Variants in KATNBL1 observed in about 807,000 individuals in gnomAD.
KATNBL1 encodes the protein KATNB1-like protein 1.
KATNBL1 carries 28 observed loss-of-function variants against 44.7 expected under a neutral mutation model. The observed-to-expected ratio is 0.63, with a 90% CI of 0.46 to 0.86. The LOEUF is 0.86. Among genes scored for constraint, KATNBL1 ranks in the 40% least tolerant of loss-of-function variants. The pLI, the probability that KATNBL1 is intolerant of heterozygous loss-of-function variation, is 0.00. For synonymous variants in KATNBL1, 78 were observed against 114.9 expected (o/e 0.68, Z 2.06); for missense variants, 272 against 350.7 (o/e 0.78, Z 1.79).
intron 1 of KATNBL1, among the ~76,000 whole-genome samples, chr15:34,165,723 G>A (rs963505410): frequency 1.3e-5 from 2 of 152,138 alleles, no homozygotes; most frequent in African/African-American, 2.4e-5. Flanking sequence ...GAACCCGGGA[G>A]GCTGAGGTTG....
chr15:34,181,815 C>CCATATATATCCATATATATACATATATAT (rs1567532354), intron 1 of KATNBL1, among the ~76,000 whole-genome samples: 1 of 69,182 alleles, frequency 1.4e-5, no homozygotes, highest in African/African-American at 6.7e-5. Context: ...TACATATATA[C>CCATATATATCCATATATATACATATATAT]ATGTCCATAT....
intron 1 of KATNBL1, among the ~76,000 whole-genome samples, chr15:34,188,136 G>GCAAAAAAAAAAAAAAAAAAAAAAA (rs1394136257): frequency 7.6e-4 from 5 of 6,578 alleles, no homozygotes; most frequent in Non-Finnish European, 2.2e-3. Context: ...AAGACGCCAT[G>GCAAAAAAAAAAAAAAAAAAAAAAA]TAAAAAAAAA....
rs574541723 is a variant in KATNBL1 at position 34,161,302 on chromosome 15, C to T, written c.117+2258G>A. 4.6e-5 allele frequency among the ~76,000 whole-genome samples: 7 copies of T among 152,176 alleles called. No individual in the cohort carries two copies. The South Asian group carries it at 6.2e-4, about 14-fold the overall frequency. On this transcript the variant is annotated intron_variant, in intron 2 of 9. Coordinates refer to ENST00000256544, the MANE Select transcript of KATNBL1 (RefSeq NM_024713.3). Reference sequence around the variant, plus strand: ...GTTTCTTCCTGCGTTGCTGAGAGTCCGGGTTTATTCATCACACTGGGTGGG... The same window carrying T: ...GTTTCTTCCTGCGTTGCTGAGAGTCTGGGTTTATTCATCACACTGGGTGGG...
Position 34,173,787 on chromosome 15 carries a change from T to C in KATNBL1, c.-14-10097A>G, listed in dbSNP as rs533499935. 1.1e-4 allele frequency among the ~76,000 whole-genome samples: 17 copies of C among 152,284 alleles called. No homozygotes were observed. In the South Asian group the frequency reaches 3.5e-3, roughly 32 times the overall value. On this transcript the variant is annotated intron_variant, in intron 1 of 9. Coordinates refer to ENST00000256544, the MANE Select transcript of KATNBL1 (RefSeq NM_024713.3). The stretch of plus-strand genomic sequence containing the variant: ...ACAACTGGGGAATAGTTAGAAGGAA[T>C]GGCACATTTTTCAAGTGCTATAAGA...
At chr15:34,197,918 T>C (rs1031557339) in intron 1 of KATNBL1, among the ~76,000 whole-genome samples, 2 of 152,076 alleles carry the variant, frequency 1.3e-5, no homozygotes, top group Admixed American at 6.6e-5. Context: ...CACCTAATTT[T>C]TTTATTTTTA....
At chr15:34,172,756 C>T (rs1035657397) in intron 1 of KATNBL1, among the ~76,000 whole-genome samples, 3 of 70,944 alleles carry the variant, frequency 4.2e-5, no homozygotes, top group Non-Finnish European at 8.1e-5. Context: ...GACACACAGA[C>T]ACAGACACAC....
intron 1 of KATNBL1, among the ~76,000 whole-genome samples, chr15:34,190,368 G>A (rs529900918): frequency 4.0e-4 from 61 of 152,288 alleles, no homozygotes; most frequent in African/African-American, 1.4e-3. Flanking sequence ...TACTAAAAAC[G>A]CAGAAGCAGT....
intron 1 of KATNBL1, among the ~76,000 whole-genome samples, chr15:34,191,562 TAGA>T (rs1000375818): frequency 3.3e-5 from 5 of 152,158 alleles, no homozygotes; most frequent in Non-Finnish European, 5.9e-5. Flanking sequence ...GTGTATGAGA[TAGA>T]AGAATTATTA....
At chr15:34,197,403 T>G (rs1890055120) in intron 1 of KATNBL1, among the ~76,000 whole-genome samples, 1 of 152,244 alleles carries the variant, frequency 6.6e-6, no homozygotes, top group Non-Finnish European at 1.5e-5. Flanking sequence ...CTGTGAGGAT[T>G]AAATAATCCA....
intron 1 of KATNBL1, among the ~76,000 whole-genome samples, chr15:34,169,467 AAGTCCAGG>A (rs1241343090): frequency 6.6e-6 from 1 of 152,198 alleles, no homozygotes; most frequent in African/African-American, 2.4e-5. Flanking sequence ...CAACCAAAAA[AAGTCCAGG>A]ACCAAACAGA....
intron 1 of KATNBL1, among the ~76,000 whole-genome samples, chr15:34,166,505 T>A (rs1888979496): frequency 6.6e-6 from 1 of 152,142 alleles, no homozygotes; most frequent in Admixed American, 6.5e-5. Context: ...ACCTCTGGGG[T>A]CAGGGCATAG....
chr15:34,156,578 C>T (rs913606922), intron 2 of KATNBL1, among the ~76,000 whole-genome samples: 1 of 152,170 alleles, frequency 6.6e-6, no homozygotes, highest in African/African-American at 2.4e-5. Context: ...TAGCTACCTT[C>T]GTCTTGTCAT....
chr15:34,184,604 GCT>G (rs1271989022), intron 1 of KATNBL1, among the ~76,000 whole-genome samples: 1 of 68,388 alleles, frequency 1.5e-5, no homozygotes, highest in East Asian at 5.1e-4. Flanking sequence ...ACAGAGTCTC[GCT>G]CTGTCACCCA....
chr15:34,187,151 C>A (rs543278667), intron 1 of KATNBL1, among the ~76,000 whole-genome samples: 1 of 152,150 alleles, frequency 6.6e-6, no homozygotes, highest in Non-Finnish European at 1.5e-5. Context: ...GAGGAGTACC[C>A]GCTCCGCTGA....
At position 34,141,252 on chromosome 15, in the gene KATNBL1, G is replaced by T. The variant is rs762267584; in HGVS notation, c.*1087C>A. 6.6e-6 allele frequency: 1 copy of T among 152,544 alleles called. No homozygotes were observed. The highest frequency in any genetic ancestry group is 1.5e-5 in the Non-Finnish European group (1 of 68,012). The allele number at this position is 152,544 out of a possible 1,614,324, so 9.4% of individuals were successfully genotyped here. On this transcript the variant is annotated 3_prime_UTR_variant, in exon 10 of 10. Transcript: ENST00000256544. ...GCATATCATACTAACCATTAGAGGAGGTAGTGACACAAAGTGTTGGAATTT... is the reference window on the plus strand; with the variant it reads ...GCATATCATACTAACCATTAGAGGATGTAGTGACACAAAGTGTTGGAATTT...
intron 1 of KATNBL1, among the ~76,000 whole-genome samples, chr15:34,174,788 C>G (rs1207363888): frequency 1.3e-5 from 2 of 151,812 alleles, no homozygotes; most frequent in African/African-American, 4.8e-5. Context: ...ACTATAGGTG[C>G]CTGCCATCAC....
At chr15:34,200,838 G>C (rs993070213) in intron 1 of KATNBL1, among the ~76,000 whole-genome samples, 5 of 151,474 alleles carry the variant, frequency 3.3e-5, no homozygotes, top group African/African-American at 1.2e-4. Flanking sequence ...TGTTTTTTGA[G>C]ACAGCGTCTT....
chr15:34,199,522 C>T (rs2140999616), intron 1 of KATNBL1: 1 of 152,332 alleles, frequency 6.6e-6, no homozygotes, highest in South Asian at 2.1e-4. Flanking sequence ...TCCCGTCATC[C>T]TGATTCCACA....
intron 4 of KATNBL1, among the ~76,000 whole-genome samples, chr15:34,151,534 C>A (rs950885311): frequency 9.9e-5 from 13 of 130,744 alleles, no homozygotes; most frequent in African/African-American, 3.6e-4. Flanking sequence ...TCACTGCAAC[C>A]TTTGCCTCCC....
Sources: gnomAD v4.1 joint callset for allele counts (sites outside exome capture counted in the v4.1 genomes callset) on GRCh38, gnomAD v4.1.1 for gene constraint, MANE v1.5 for transcripts, NCBI Gene and HGNC (gene_info 2026-07-23, HGNC 2026-07-21) for gene names.